The following FOXA2 variants were observed in gnomAD, a reference collection of about 807,000 sequenced individuals.
FOXA2 encodes the protein hepatocyte nuclear factor 3-beta.
A neutral mutation model predicts 33.3 loss-of-function variants in FOXA2; 9 were observed. The observed-to-expected ratio is 0.27, with a 90% CI of 0.16 to 0.47. The LOEUF (loss-of-function observed/expected upper bound fraction) is 0.47. Among genes scored for constraint, FOXA2 ranks in the 20% least tolerant of loss-of-function variants. The probability of loss-of-function intolerance (pLI) is 0.99; values close to 1 mark genes in which losing one functional copy is unlikely to be tolerated. For synonymous variants in FOXA2, 329 were observed against 289.4 expected (o/e 1.14, Z -1.39); for missense variants, 704 against 659.9 (o/e 1.07, Z -0.73).
At position 22,582,752 on chromosome 20, in the gene FOXA2, C is replaced by A. The variant is rs745424789; in HGVS notation, c.490G>T (p.Ala164Ser). ...GAGATGTACGAGTAGGGCGGCTTTGCGTGCGTGTAGCTGCGCCTGTAGGTC... is the reference window on the plus strand; with the variant it reads ...GAGATGTACGAGTAGGGCGGCTTTGAGTGCGTGTAGCTGCGCCTGTAGGTC... The part of the protein sequence containing the change: ...PKTYRRSYTH[A>S]KPPYSYISLI... The change falls in exon 2 of 2, where the codon GCA (alanine) becomes TCA (serine). Residue 164 changes from alanine to serine, a missense_variant. Ala to Ser is a moderately conservative substitution (Grantham distance 99, BLOSUM62 1). Around this residue, in one of 5 missense-constraint regions of FOXA2, gnomAD observed 304 missense variants for 251.7 expected, o/e 1.21. Transcript: ENST00000419308. The A allele has an allele frequency of 3.1e-6, 5 of 1,614,018 alleles. No individual in the cohort carries two copies. The African/African-American group carries it at 6.7e-5, about 22-fold the overall frequency.
At position 22,582,259 on chromosome 20, in the gene FOXA2, A is replaced by G. The variant is rs1984602544; in HGVS notation, c.983T>C (p.Leu328Pro). The G allele has an allele frequency of 4.1e-6, 6 of 1,469,836 alleles. No homozygotes were observed. The highest frequency in any genetic ancestry group is 5.4e-6 in the Non-Finnish European group (6 of 1,118,458). The allele number at this position is 1,469,836 out of a possible 1,614,324, so 91.0% of individuals were successfully genotyped here. ...QEHKRGGLGELKGTPAAALSP... is the reference protein window; with the variant it reads ...QEHKRGGLGEPKGTPAAALSP... ...CAGCGCCGCAGCCGGCGTCCCCTTC[A>G]GCTCTCCCAGGCCCCCTCGCTTGTG... The change falls in exon 2 of 2, where the codon CTG becomes CCG. Residue 328 changes from leucine (L) to proline (P), a missense_variant. Leu to Pro is a moderately conservative substitution (Grantham distance 98). Around this residue, in one of 5 missense-constraint regions of FOXA2, gnomAD observed 343 missense variants for 274.8 expected, o/e 1.25. Transcript: ENST00000419308.
chr20:22,581,847 T>C lies in FOXA2; in HGVS notation c.*3A>G. On this transcript the variant is annotated 3_prime_UTR_variant, in exon 2 of 2. Transcript: ENST00000419308. ...GTTAGCCGGGCCTGAAGCCGTCGTC[T>C]TCTTAAGAGGAGTTCATAATGGGCC... 2 of 1,607,534 alleles carry C rather than the reference T, an allele frequency of 1.2e-6. No homozygotes were observed. Among genetic ancestry groups the C allele is most frequent in the Non-Finnish European group, 1.7e-6 (2 of 1,174,722 alleles).
At position 22,583,071 on chromosome 20, in the gene FOXA2, C is replaced by T; in HGVS notation, c.171G>A (p.Met57Ile). 6.2e-7 allele frequency: 1 copy of T among 1,609,562 alleles called. No homozygotes were observed. Among genetic ancestry groups the T allele is most frequent in the Non-Finnish European group, 8.5e-7 (1 of 1,179,792 alleles). Residue 57 changes from methionine to isoleucine, a missense_variant, in exon 2 of 2, where the codon ATG becomes ATA. Met to Ile is a conservative substitution (Grantham distance 10, BLOSUM62 1). Transcript: ENST00000419308. ...CGCTCATGTTGCCCGAGCCGCTGCC[C>T]ATGGCGGCCGCCGACATGCTCATGT... Reference protein sequence around the residue: ...NTYMSMSAAAMGSGSGNMSAG... With the variant: ...NTYMSMSAAAIGSGSGNMSAG...
rs780074827 is a variant in FOXA2, at chr20:22,583,108, C to A, written c.134G>T (p.Gly45Val). Residue 45 changes from glycine to valine, a missense_variant, in exon 2 of 2, where the codon GGC becomes GTC. Physicochemically the swap from Gly to Val is moderately radical, Grantham distance 109. Around this residue, in one of 5 missense-constraint regions of FOXA2, gnomAD observed 304 missense variants for 251.7 expected, o/e 1.21. Coordinates refer to ENST00000419308, the MANE Select transcript of FOXA2 (RefSeq NM_021784.5). ...CGACATGCTCATGTACGTGTTCATGCCGTTCATCCCCAGGCCGGCGTTCAT... is the reference window on the plus strand; with the variant it reads ...CGACATGCTCATGTACGTGTTCATGACGTTCATCCCCAGGCCGGCGTTCAT... ...SNMNAGLGMN[G>V]MNTYMSMSAA... The A allele has an allele frequency of 1.2e-6, 2 of 1,607,470 alleles. No individual in the cohort carries two copies. Among genetic ancestry groups the A allele is most frequent in the Non-Finnish European group, 1.7e-6 (2 of 1,179,858 alleles).
chr20:22,584,412 A>C lies in FOXA2; in HGVS notation c.-134T>G, dbSNP rs1600435267. Reference sequence around the variant, plus strand: ...CTCGCGCTCCCTCTCCCTGGGCTCCACTCCCTCTCTCTCCCTGGGCAGGCC... The same window carrying C: ...CTCGCGCTCCCTCTCCCTGGGCTCCCCTCCCTCTCTCTCCCTGGGCAGGCC... On this transcript the variant is annotated 5_prime_UTR_variant, in exon 1 of 2. Coordinates refer to ENST00000419308, the MANE Select transcript of FOXA2 (RefSeq NM_021784.5). 1.5e-6 allele frequency: 1 copy of C among 655,044 alleles called. No individual in the cohort carries two copies. Among genetic ancestry groups the C allele is most frequent in the Non-Finnish European group, 2.6e-6 (1 of 377,392 alleles). 40.6% of individuals were successfully genotyped at this position (655,044 alleles called of 1,614,324 possible). A position where few individuals can be genotyped will look rare whatever the true frequency, so the allele number is the denominator to read the frequency against.
Position 22,584,468 on chromosome 20 carries a change from G to T in FOXA2, c.-190C>A, listed in dbSNP as rs1011916996. The T allele has an allele frequency of 3.8e-5, 21 of 547,178 alleles. No individual in the cohort carries two copies. The highest frequency in any genetic ancestry group is 5.6e-5 in the Non-Finnish European group (17 of 301,434). The allele number at this position is 547,178 out of a possible 1,614,324, so 33.9% of individuals were successfully genotyped here. A position where few individuals can be genotyped will look rare whatever the true frequency, so the allele number is the denominator to read the frequency against. ...CGGTAGTTGGAAGTGGGCGGGAGGTGGGGGGGGGCGAGGAGCGGAGGAGGC... is the reference window on the plus strand; with the variant it reads ...CGGTAGTTGGAAGTGGGCGGGAGGTTGGGGGGGGCGAGGAGCGGAGGAGGC... On this transcript the variant is annotated 5_prime_UTR_variant, in exon 1 of 2. Coordinates refer to ENST00000419308, the MANE Select transcript of FOXA2 (RefSeq NM_021784.5).
In FOXA2 at chr20:22,582,642, G is replaced by C; in HGVS notation, c.600C>G (p.Pro200=). ...EIYQWIMDLF[P]FYRQNQQRWQ... ...AGCGCTGCTGGTTCTGCCGGTAGAA[G>C]GGGAAGAGGTCCATGATCCACTGGT... Residue 200 remains proline (P), a synonymous_variant, in exon 2 of 2, where the codon CCC becomes CCG. Coordinates refer to ENST00000419308, the MANE Select transcript of FOXA2 (RefSeq NM_021784.5). 2.5e-6 allele frequency: 4 copies of C among 1,614,202 alleles called. No individual in the cohort carries two copies. The highest frequency in any genetic ancestry group is 3.4e-6 in the Non-Finnish European group (4 of 1,180,022).
upstream of FOXA2, among the ~76,000 whole-genome samples, chr20:22,584,672 TGGAGGA>T (rs1176408400): frequency 6.8e-3 from 233 of 34,384 alleles, no homozygotes; most frequent in East Asian, 0.02. Flanking sequence ...GTGGTGGTGG[TGGAGGA>T]GGAGGAGGAG....
Position 22,582,191 on chromosome 20 carries a change from C to T in FOXA2, c.1051G>A (p.Ala351Thr). 1 of 1,550,850 alleles carries T rather than the reference C, an allele frequency of 6.4e-7. No homozygotes were observed. Among genetic ancestry groups the T allele is most frequent in the Non-Finnish European group, 8.7e-7 (1 of 1,146,446 alleles). Residue 351 changes from alanine to threonine, a missense_variant, in exon 2 of 2, where the codon GCC (alanine) becomes ACC (threonine). Physicochemically the swap from Ala to Thr is moderately conservative, Grantham distance 58. Around this residue, in one of 5 missense-constraint regions of FOXA2, gnomAD observed 343 missense variants for 274.8 expected, o/e 1.25. Transcript: ENST00000419308. ...GGCGGGCCCAGCAGGTGGGCCGCGGCCTGCTGCTGCTGCCCGGGAGAGGGC... is the reference window on the plus strand; with the variant it reads ...GGCGGGCCCAGCAGGTGGGCCGCGGTCTGCTGCTGCTGCCCGGGAGAGGGC... Reference protein sequence around the residue: ...PAPSPGQQQQAAAHLLGPPHH... With the variant: ...PAPSPGQQQQTAAHLLGPPHH...
Position 22,584,467 on chromosome 20 carries a change from T to TG in FOXA2, c.-190dup, listed in dbSNP as rs1427744474. Reference sequence around the variant, plus strand: ...GCGGTAGTTGGAAGTGGGCGGGAGGTGGGGGGGGGCGAGGAGCGGAGGAGG... The same window carrying TG: ...GCGGTAGTTGGAAGTGGGCGGGAGGTGGGGGGGGGGCGAGGAGCGGAGGAGG... On this transcript the variant is annotated 5_prime_UTR_variant, in exon 1 of 2. Coordinates refer to ENST00000419308, the MANE Select transcript of FOXA2 (RefSeq NM_021784.5). The TG allele has an allele frequency of 7.2e-3, 2,311 of 319,744 alleles. 6 individuals are homozygous for TG. Among genetic ancestry groups the TG allele is most frequent in the African/African-American group, 0.022 (873 of 38,976 alleles). The allele number at this position is 319,744 out of a possible 1,614,324, so 19.8% of individuals were successfully genotyped here.
At position 22,581,480 on chromosome 20, in the gene FOXA2, A is replaced by T; in HGVS notation, c.*370T>A. ...ACAAAATTTTTTTTTTTTTTTAAGT[A>T]AGACTTCCCTGCAACAACAGCAATG... On this transcript the variant is annotated 3_prime_UTR_variant, in exon 2 of 2. Transcript: ENST00000419308. 1 of 171,956 alleles carries T rather than the reference A, an allele frequency of 5.8e-6. No homozygotes were observed. 10.7% of individuals were successfully genotyped at this position (171,956 alleles called of 1,614,324 possible).
rs565350443 is a variant in FOXA2, at chr20:22,582,169, G to T, written c.1073C>A (p.Pro358Gln). The T allele has an allele frequency of 3.5e-5, 55 of 1,557,846 alleles. No homozygotes were observed. The African/African-American group carries it at 6.0e-4, about 17-fold the overall frequency. The change falls in exon 2 of 2, where the codon CCG becomes CAG. Residue 358 changes from proline to glutamine, a missense_variant. Around this residue, in one of 5 missense-constraint regions of FOXA2, gnomAD observed 343 missense variants for 274.8 expected, o/e 1.25. Coordinates refer to ENST00000419308, the MANE Select transcript of FOXA2 (RefSeq NM_021784.5). ...AGGCGGCAGGCCCGGGTGGTGGGGC[G>T]GGCCCAGCAGGTGGGCCGCGGCCTG... ...QQQAAAHLLGPPHHPGLPPEA... is the reference protein window; with the variant it reads ...QQQAAAHLLGQPHHPGLPPEA...
upstream of FOXA2, among the ~76,000 whole-genome samples, chr20:22,585,076 C>T (rs745469907): frequency 5.9e-5 from 9 of 152,150 alleles, no homozygotes; most frequent in Non-Finnish European, 1.3e-4. Context: ...CTCCAGCCCC[C>T]GCCCCGTCTC....
chr20:22,581,994 G>T lies in FOXA2; in HGVS notation c.1248C>A (p.His416Gln). The change falls in exon 2 of 2, where the codon CAC becomes CAA. Residue 416 changes from histidine to glutamine, a missense_variant. His to Gln is a conservative substitution (Grantham distance 24). Coordinates refer to ENST00000419308, the MANE Select transcript of FOXA2 (RefSeq NM_021784.5). ...MDLKAYEQVM[H>Q]YPGYGSPMPG... ...GCATGGGGGAACCGTAGCCGGGGTAGTGCATCACCTGTTCGTAGGCCTTGA... is the reference window on the plus strand; with the variant it reads ...GCATGGGGGAACCGTAGCCGGGGTATTGCATCACCTGTTCGTAGGCCTTGA... 6.2e-7 allele frequency: 1 copy of T among 1,614,212 alleles called. No homozygotes were observed. The highest frequency in any genetic ancestry group is 1.1e-5 in the South Asian group (1 of 91,088).
chr20:22,584,651 A>G (rs1401587163), upstream of FOXA2, among the ~76,000 whole-genome samples: 86 of 25,124 alleles, frequency 3.4e-3, no homozygotes, highest in African/African-American at 0.013. Flanking sequence ...AGGAAGGAGG[A>G]GGAGGAGGCG....
chr20:22,582,346 G>C lies in FOXA2; in HGVS notation c.896C>G (p.Pro299Arg). 2.0e-6 allele frequency: 3 copies of C among 1,478,982 alleles called. No homozygotes were observed. Among genetic ancestry groups the C allele is most frequent in the South Asian group, 2.8e-5 (2 of 71,918 alleles). 91.6% of individuals were successfully genotyped at this position (1,478,982 alleles called of 1,614,324 possible). The change falls in exon 2 of 2, where the codon CCG (proline) becomes CGG (arginine). Residue 299 changes from proline to arginine, a missense_variant. Around this residue, in one of 5 missense-constraint regions of FOXA2, gnomAD observed 343 missense variants for 274.8 expected, o/e 1.25. Transcript: ENST00000419308. Reference protein sequence around the residue: ...SQAQLGEAAGPASETPAGTES... With the variant: ...SQAQLGEAAGRASETPAGTES... ...GGTGCCCGCCGGAGTCTCGGAGGCC[G>C]GCCCGGCGGCCTCCCCGAGTTGAGC...
Position 22,581,689 on chromosome 20 carries a change from G to GC in FOXA2, c.*160_*161insG. 1 of 623,454 alleles carries GC rather than the reference G, an allele frequency of 1.6e-6. No individual in the cohort carries two copies. Among genetic ancestry groups the GC allele is most frequent in the East Asian group, 2.8e-5 (1 of 35,794 alleles). 38.6% of individuals were successfully genotyped at this position (623,454 alleles called of 1,614,324 possible). Reference sequence around the variant, plus strand: ...GGACGGAACGGCTGCAGCGGGTGAAGAAGACTGCTGTCTTGGGGGTGTTGG... The same window carrying GC: ...GGACGGAACGGCTGCAGCGGGTGAAGCAAGACTGCTGTCTTGGGGGTGTTGG... On this transcript the variant is annotated 3_prime_UTR_variant, in exon 2 of 2. Coordinates refer to ENST00000419308, the MANE Select transcript of FOXA2 (RefSeq NM_021784.5).
upstream of FOXA2, among the ~76,000 whole-genome samples, chr20:22,584,702 A>T (rs1600435605): frequency 6.8e-6 from 1 of 147,018 alleles, no homozygotes; most frequent in Non-Finnish European, 1.5e-5. Flanking sequence ...GAGGAGGAGG[A>T]GGAGGAGGAG....
chr20:22,581,620 C>T lies in FOXA2; in HGVS notation c.*230G>A, dbSNP rs1313137362. On this transcript the variant is annotated 3_prime_UTR_variant, in exon 2 of 2. Coordinates refer to ENST00000419308, the MANE Select transcript of FOXA2 (RefSeq NM_021784.5). ...TTAACTTTATATTCTTTCCCGTTTT[C>T]CTCCTTATATAGAACGTGGGGTATC... is the stretch of plus-strand genomic sequence containing the variant. 4.6e-6 allele frequency: 2 copies of T among 432,716 alleles called. No homozygotes were observed. The highest frequency in any genetic ancestry group is 3.3e-5 in the East Asian group (1 of 30,038). The allele number at this position is 432,716 out of a possible 1,614,324, so 26.8% of individuals were successfully genotyped here. A position where few individuals can be genotyped will look rare whatever the true frequency, so the allele number is the denominator to read the frequency against.
Sources: allele counts gnomAD v4.1 joint callset (sites outside exome capture counted in the v4.1 genomes callset), GRCh38; gene constraint gnomAD v4.1.1; regional missense constraint gnomAD v4.1.1; transcripts MANE v1.5; gene names NCBI Gene and HGNC (gene_info 2026-07-23, HGNC 2026-07-21).